SLIT3: variants seen among roughly 807,000 people sequenced by gnomAD.
SLIT3 encodes slit guidance ligand 3.
SLIT3 carries 68 observed loss-of-function variants against 184.0 expected under a neutral mutation model. That is an observed-to-expected ratio of 0.37 (90% CI 0.30 to 0.45). The LOEUF (loss-of-function observed/expected upper bound fraction) is 0.45. Ranked by LOEUF, SLIT3 falls within the 20% of genes least tolerant of loss-of-function variation. The pLI, the probability that SLIT3 is intolerant of heterozygous loss-of-function variation, is 1.00. For missense variants in SLIT3, 1,707 were observed against 2,026.0 expected, an observed-to-expected ratio of 0.84 and a Z score of 3.02; for synonymous variants, 831 against 828.6, an observed-to-expected ratio of 1.00 and a Z score of -0.05.
chr5:169,071,929 C>G (rs185198785), intron 4 of SLIT3, among the ~76,000 whole-genome samples: 3 of 152,272 alleles, frequency 2.0e-5, no homozygotes, highest in South Asian at 2.1e-4. Flanking sequence ...TGGAACGTCA[C>G]AGAGAGACAG....
At chr5:168,677,018 C>T (rs1245048577) in intron 32 of SLIT3, among the ~76,000 whole-genome samples, 1 of 152,216 alleles carries the variant, frequency 6.6e-6, no homozygotes, top group Non-Finnish European at 1.5e-5. Context: ...TGGTCACTGG[C>T]TCTTGCCCTA....
intron 4 of SLIT3, among the ~76,000 whole-genome samples, chr5:168,994,891 C>T (rs779744546): frequency 6.6e-6 from 1 of 152,026 alleles, no homozygotes; most frequent in East Asian, 1.9e-4. Flanking sequence ...ATCCACCCAC[C>T]TTGGCCTCCC....
rs981129465 is a variant in SLIT3, at chr5:168,880,748, T to C, written c.485+2517A>G. Among the ~76,000 whole-genome samples the C allele has an allele frequency of 3.9e-5, 6 of 152,216 alleles. No individual in the cohort carries two copies. In the East Asian group the frequency reaches 5.8e-4, roughly 15 times the overall value. On this transcript the variant is annotated intron_variant, in intron 5 of 35. Transcript: ENST00000519560. ...TCACAGACTAAGAACCTAGAACACA[T>C]GGAATTCATACATACTTCTATCAGA... is the stretch of plus-strand genomic sequence containing the variant.
At chr5:169,005,480 T>A (rs1397389915) in intron 4 of SLIT3, among the ~76,000 whole-genome samples, 1 of 152,178 alleles carries the variant, frequency 6.6e-6, no homozygotes, top group Non-Finnish European at 1.5e-5. Flanking sequence ...GTGTGGTTGC[T>A]ATGATCATCA....
intron 4 of SLIT3, among the ~76,000 whole-genome samples, chr5:169,089,724 C>A (rs1759497531): frequency 6.6e-6 from 1 of 152,200 alleles, no homozygotes; most frequent in Non-Finnish European, 1.5e-5. Context: ...GACTGGAAGT[C>A]CCATCACTGT....
At chr5:169,113,268 T>C (rs917953862) in intron 4 of SLIT3, among the ~76,000 whole-genome samples, 2 of 152,210 alleles carry the variant, frequency 1.3e-5, no homozygotes, top group African/African-American at 4.8e-5. Flanking sequence ...TTCCACTTTC[T>C]GCTCCTATGA....
intron 3 of SLIT3, among the ~76,000 whole-genome samples, chr5:169,229,286 G>C (rs1236563398): frequency 6.6e-6 from 1 of 151,724 alleles, no homozygotes; most frequent in Non-Finnish European, 1.5e-5. Context: ...TAGTTTTTTT[G>C]ATCTTCAAGA....
intron 1 of SLIT3, among the ~76,000 whole-genome samples, chr5:169,291,432 C>T (rs1248355019): frequency 1.3e-5 from 2 of 152,144 alleles, no homozygotes; most frequent in African/African-American, 4.8e-5. Flanking sequence ...TCTAAACATC[C>T]CCATGAGATA....
At chr5:169,184,832 T>G (rs1413146398) in intron 4 of SLIT3, among the ~76,000 whole-genome samples, 3 of 152,202 alleles carry the variant, frequency 2.0e-5, no homozygotes. Flanking sequence ...GTTCCAGACT[T>G]ACACAATCAG....
intron 33 of SLIT3, among the ~76,000 whole-genome samples, chr5:168,672,875 C>G (rs1273937705): frequency 6.6e-6 from 1 of 152,166 alleles, no homozygotes; most frequent in Non-Finnish European, 1.5e-5. Context: ...GGAATATGAC[C>G]TGAAGCTGGC....
chr5:169,209,248 T>C (rs139333472), intron 3 of SLIT3, among the ~76,000 whole-genome samples: 139 of 152,226 alleles, frequency 9.1e-4, no homozygotes, highest in Middle Eastern at 3.4e-3. Context: ...AAAACCACAA[T>C]GAGATACCAT....
chr5:168,930,898 G>T (rs913895867), intron 4 of SLIT3, among the ~76,000 whole-genome samples: 1 of 151,944 alleles, frequency 6.6e-6, no homozygotes, highest in South Asian at 2.1e-4. Flanking sequence ...ACAATAACCT[G>T]TGGGCTTTTG....
At chr5:168,901,081 G>A (rs1053540322) in intron 4 of SLIT3, among the ~76,000 whole-genome samples, 1 of 152,182 alleles carries the variant, frequency 6.6e-6, no homozygotes, top group African/African-American at 2.4e-5. Flanking sequence ...CAAAATTGCA[G>A]GCCAGGCACA....
At chr5:168,847,177 TG>T (rs1758502472) in intron 5 of SLIT3, among the ~76,000 whole-genome samples, 1 of 152,208 alleles carries the variant, frequency 6.6e-6, no homozygotes, top group Non-Finnish European at 1.5e-5. Flanking sequence ...TTATTTGCAA[TG>T]GGGAAAACTG....
chr5:169,113,098 A>T (rs1760470553), intron 4 of SLIT3, among the ~76,000 whole-genome samples: 1 of 152,156 alleles, frequency 6.6e-6, no homozygotes. Flanking sequence ...ATGGCGTTCA[A>T]GTGTACAGCT....
At chr5:168,788,710 C>A (rs1415763912) in intron 11 of SLIT3, among the ~76,000 whole-genome samples, 4 of 150,992 alleles carry the variant, frequency 2.6e-5, no homozygotes, top group Non-Finnish European at 5.9e-5. Flanking sequence ...TGTCTGAGTT[C>A]TTCAGCTGTA....
At chr5:168,713,132 G>A (rs769018879) in intron 23 of SLIT3, among the ~76,000 whole-genome samples, 7 of 152,170 alleles carry the variant, frequency 4.6e-5, no homozygotes, top group Non-Finnish European at 1.0e-4. Flanking sequence ...CTCTGGAGCC[G>A]AACACTCATT....
Position 169,039,317 on chromosome 5 carries a change from G to GT in SLIT3, c.413+154161dup, listed in dbSNP as rs201685130. Among the ~76,000 whole-genome samples the GT allele has an allele frequency of 9.9e-3, 1,307 of 131,788 alleles. 11 individuals are homozygous for GT. The highest frequency in any genetic ancestry group is 0.011 in the East Asian group (46 of 4,354). The allele number at this position is 131,788 out of a possible 152,430, so 86.5% of individuals were successfully genotyped here. ...CCGTAAGAGTTAAGTTTTTTTTTGT[G>GT]TTTTTTTTTTTTTTTTTGAGATGCA... On this transcript the variant is annotated intron_variant, in intron 4 of 35. Coordinates refer to ENST00000519560, the MANE Select transcript of SLIT3 (RefSeq NM_003062.4).
At chr5:169,052,325 T>C (rs1757846775) in intron 4 of SLIT3, among the ~76,000 whole-genome samples, 1 of 152,138 alleles carries the variant, frequency 6.6e-6, no homozygotes, top group African/African-American at 2.4e-5. Flanking sequence ...AAAGTACTAT[T>C]TATTATTGCT....
Sources: allele counts gnomAD v4.1 joint callset (sites outside exome capture counted in the v4.1 genomes callset), GRCh38; gene constraint gnomAD v4.1.1; transcripts MANE v1.5; gene names NCBI Gene and HGNC (gene_info 2026-07-23, HGNC 2026-07-21).